The following CACNA1E variants were observed in gnomAD, a reference collection of about 807,000 sequenced individuals.
CACNA1E encodes the protein calcium voltage-gated channel subunit alpha1 E.
In CACNA1E, 40 loss-of-function variants were observed where a neutral mutation model predicts 259.2. The observed-to-expected ratio is 0.15, with a 90% confidence interval of 0.12 to 0.20. CACNA1E has a LOEUF of 0.20. Among genes scored for constraint, CACNA1E ranks in the 10% least tolerant of loss-of-function variants. The pLI is 1.00. For missense variants in CACNA1E, 1,874 were observed against 3,040.1 expected (o/e 0.62, Z 9.02); for synonymous variants, 1,104 against 1,138.5 (o/e 0.97, Z 0.61).
intron 3 of CACNA1E, among the ~76,000 whole-genome samples, chr1:181,571,866 G>A (rs1475307526): frequency 6.6e-6 from 1 of 152,114 alleles, no homozygotes; most frequent in Non-Finnish European, 1.5e-5. Context: ...TTTTTCTAGG[G>A]CTGGGACAAT....
At chr1:181,638,056 G>T (rs1172493379) in intron 6 of CACNA1E, among the ~76,000 whole-genome samples, 1 of 152,166 alleles carries the variant, frequency 6.6e-6, no homozygotes, top group East Asian at 1.9e-4. Context: ...CCATTTCAAG[G>T]TATTAAGCAG....
At position 181,732,078 on chromosome 1, in the gene CACNA1E, G is replaced by A. The variant is rs1372330276; in HGVS notation, c.2298-306G>A. Among the ~76,000 whole-genome samples the A allele has an allele frequency of 6.6e-6, 1 of 151,890 alleles. No individual in the cohort carries two copies. The highest frequency in any genetic ancestry group is 1.5e-5 in the Non-Finnish European group (1 of 67,992). ...GGGAGTGAAGACGTGGTAAGCCTGT[G>A]GATGGCTGCCCCAGCAGGCCCTGGG... On this transcript the variant is annotated intron_variant, in intron 19 of 47. Transcript: ENST00000367573. This position sits in a 1 kb window ranked among gnomAD's most constrained non-coding sequence, Gnocchi z 5.5.
At chr1:181,791,468 G>A (rs1203263024) in intron 44 of CACNA1E, among the ~76,000 whole-genome samples, 2 of 152,110 alleles carry the variant, frequency 1.3e-5, no homozygotes, top group African/African-American at 2.4e-5. Context: ...GCAAGACTCC[G>A]TCTCAAAAAC....
Position 181,527,240 on chromosome 1 carries a change from C to T in CACNA1E, c.512+15730C>T, listed in dbSNP as rs673420. Among the ~76,000 whole-genome samples, 888 of 152,370 alleles carry T rather than the reference C, an allele frequency of 5.8e-3. 8 individuals carry two copies. The highest frequency in any genetic ancestry group is 0.02 in the African/African-American group (832 of 41,588). On this transcript the variant is annotated intron_variant, in intron 3 of 47. Coordinates refer to ENST00000367573, the MANE Select transcript of CACNA1E (RefSeq NM_001205293.3). The stretch of plus-strand genomic sequence containing the variant: ...TGCCTGGCAAAGGCCCCTTTCCTGG[C>T]TGCTGGACAGCTGTCTGTGTCCTCA...
At chr1:181,391,100 C>T (rs936337760) in intron 1 of CACNA1E, among the ~76,000 whole-genome samples, 2 of 152,180 alleles carry the variant, frequency 1.3e-5, no homozygotes, top group African/African-American at 4.8e-5. Flanking sequence ...AAAGAGAGCT[C>T]AACGCTCTCA....
chr1:181,725,217 C>T (rs773685717), intron 17 of CACNA1E, among the ~76,000 whole-genome samples: 34 of 152,214 alleles, frequency 2.2e-4, no homozygotes, highest in Admixed American at 3.9e-4. Context: ...TCCATGCATT[C>T]TCTGATGATC....
chr1:181,625,472 G>C (rs770468638), intron 6 of CACNA1E, among the ~76,000 whole-genome samples: 6 of 152,114 alleles, frequency 3.9e-5, no homozygotes, highest in Admixed American at 2.0e-4. Flanking sequence ...TGTAACTTCT[G>C]TATCTGCACT....
intron 1 of CACNA1E, among the ~76,000 whole-genome samples, chr1:181,332,212 C>T (rs994046220): frequency 6.6e-6 from 1 of 152,104 alleles, no homozygotes; most frequent in South Asian, 2.1e-4. Flanking sequence ...TGGGGCCTGT[C>T]GAAGACTGGG....
At chr1:181,721,613 AC>A in intron 15 of CACNA1E, 144 bp from the exon 16 acceptor site, 1 of 513,716 alleles carries the variant, frequency 1.9e-6, no homozygotes, top group Non-Finnish European at 3.5e-6. Context: ...TATGGAAATG[AC>A]TTTTTTTTTT....
intron 7 of CACNA1E, among the ~76,000 whole-genome samples, chr1:181,675,826 C>T (rs1021204984): frequency 1.8e-4 from 28 of 152,136 alleles, no homozygotes; most frequent in Non-Finnish European, 2.8e-4. Flanking sequence ...TGCAGCCTCC[C>T]GGGCTCTGGA....
intron 18 of CACNA1E, among the ~76,000 whole-genome samples, chr1:181,730,213 G>C (rs1655336648): frequency 6.6e-6 from 1 of 152,226 alleles, no homozygotes; most frequent in Non-Finnish European, 1.5e-5. Context: ...TTCTCCGTGG[G>C]TGGGCATCAG....
chr1:181,774,239 A>G (rs950685791), intron 37 of CACNA1E, among the ~76,000 whole-genome samples: 5 of 152,246 alleles, frequency 3.3e-5, no homozygotes, highest in East Asian at 1.9e-4. Flanking sequence ...TTTCATTGAC[A>G]TTAATAATAG....
intron 1 of CACNA1E, among the ~76,000 whole-genome samples, chr1:181,342,197 G>A (rs1652205317): frequency 6.6e-6 from 1 of 152,208 alleles, no homozygotes; most frequent in South Asian, 2.1e-4. Context: ...GGCGTGGCAT[G>A]TTCCAGAGGC....
At chr1:181,683,530 C>A (rs538230688) in intron 7 of CACNA1E, among the ~76,000 whole-genome samples, 5 of 152,186 alleles carry the variant, frequency 3.3e-5, no homozygotes, top group Admixed American at 6.5e-5. Flanking sequence ...CAAATGATTT[C>A]ATCACCCAGA....
intron 7 of CACNA1E, among the ~76,000 whole-genome samples, chr1:181,696,032 C>T (rs1651668809): frequency 6.6e-6 from 1 of 151,488 alleles, no homozygotes; most frequent in South Asian, 2.1e-4. Flanking sequence ...AATATCTTTG[C>T]GAATTCAGGC....
intron 3 of CACNA1E, among the ~76,000 whole-genome samples, chr1:181,548,408 G>A (rs1247472756): frequency 6.6e-6 from 1 of 152,112 alleles, no homozygotes; most frequent in Non-Finnish European, 1.5e-5. Context: ...TTACAGATGT[G>A]AGCCACCGTG....
chr1:181,751,943 G>C (rs769452838), intron 26 of CACNA1E, 200 bp from the exon 27 acceptor site: 2 of 688,536 alleles, frequency 2.9e-6, no homozygotes, highest in Non-Finnish European at 5.3e-6. Flanking sequence ...GTGCACACTG[G>C]GAAGTGATTT....
Position 181,788,803 on chromosome 1 carries a change from T to A in CACNA1E, c.5787-1642T>A, listed in dbSNP as rs77216213. On this transcript the variant is annotated intron_variant, in intron 43 of 47. Coordinates refer to ENST00000367573, the MANE Select transcript of CACNA1E (RefSeq NM_001205293.3). ...TAACTCTGTGAGATTATTAAGTGATTCCAAGGGTCCTCTCCCTCTAGTGAG... is the reference window on the plus strand; with the variant it reads ...TAACTCTGTGAGATTATTAAGTGATACCAAGGGTCCTCTCCCTCTAGTGAG... 5.1e-3 allele frequency among the ~76,000 whole-genome samples: 771 copies of A among 152,328 alleles called. 11 individuals are homozygous for A. Among genetic ancestry groups the A allele is most frequent in the African/African-American group, 0.018 (741 of 41,562 alleles).
intron 11 of CACNA1E, 146 bp downstream of exon 11, chr1:181,717,448 G>A (rs552704459): frequency 3.0e-6 from 2 of 659,290 alleles, no homozygotes; most frequent in African/African-American, 3.6e-5. Context: ...GTCCTCAAGG[G>A]GGCTGGAGTA....
Sources: allele counts gnomAD v4.1 joint callset (sites outside exome capture counted in the v4.1 genomes callset), GRCh38; gene constraint gnomAD v4.1.1; non-coding constraint Gnocchi (gnomAD v3.1); transcripts MANE v1.5; gene names NCBI Gene and HGNC (gene_info 2026-07-23, HGNC 2026-07-21).